Variants in PPP1R12B observed in about 807,000 individuals in gnomAD.
PPP1R12B encodes myosin phosphatase target subunit 2.
PPP1R12B carries 76 observed loss-of-function variants against 126.1 expected under a neutral mutation model. That is an observed-to-expected ratio of 0.60 (90% CI 0.50 to 0.73). The LOEUF is 0.73. PPP1R12B is among the 30% of genes least tolerant of loss of function. PPP1R12B has a pLI of 0.00. For synonymous variants in PPP1R12B, 356 were observed against 434.7 expected (o/e 0.82, Z 2.25); for missense variants, 1,052 against 1,205.1 (o/e 0.87, Z 1.88).
rs1400169382 is a variant in PPP1R12B, at chr1:202,396,134, T to C, written c.292-20653T>C. On this transcript the variant is annotated intron_variant, in intron 1 of 23. Coordinates refer to ENST00000608999, the MANE Select transcript of PPP1R12B (RefSeq NM_002481.4). ...ACCACTCTGATCTGGCTTTTGTGTTTATCACTGCACCAAAAAAACCCTTTT... is the reference window on the plus strand; with the variant it reads ...ACCACTCTGATCTGGCTTTTGTGTTCATCACTGCACCAAAAAAACCCTTTT... Among the ~76,000 whole-genome samples, 4 of 152,200 alleles carry C rather than the reference T, an allele frequency of 2.6e-5. No individual in the cohort carries two copies. The East Asian group carries it at 7.7e-4, about 29-fold the overall frequency.
rs1460493182 is a variant in PPP1R12B at position 202,586,237 on chromosome 1, C to T, written c.*5677C>T. 6.6e-6 allele frequency: 1 copy of T among 152,322 alleles called. No homozygotes were observed. 9.4% of individuals were successfully genotyped at this position (152,322 alleles called of 1,614,324 possible). The stretch of plus-strand genomic sequence containing the variant: ...TAGAACAGCACTTGGCTTTCACAAG[C>T]CTCCTACAGGACCTGGTGTAATTGG... On this transcript the variant is annotated 3_prime_UTR_variant, in exon 24 of 24. Transcript: ENST00000608999.
At chr1:202,503,941 G>C (rs1680524142) in intron 18 of PPP1R12B, among the ~76,000 whole-genome samples, 1 of 152,076 alleles carries the variant, frequency 6.6e-6, no homozygotes, top group African/African-American at 2.4e-5. Context: ...AGAGGCCTTT[G>C]AAGTCCAGGG....
chr1:202,410,204 G>A (rs914305856), intron 1 of PPP1R12B: 3 of 152,214 alleles, frequency 2.0e-5, no homozygotes, highest in African/African-American at 4.8e-5. Context: ...TACTGCTGAA[G>A]TAAGCATTGA....
chr1:202,414,765 A>C (rs879779099), intron 1 of PPP1R12B, among the ~76,000 whole-genome samples: 48 of 152,136 alleles, frequency 3.2e-4, no homozygotes, highest in Non-Finnish European at 5.1e-4. Context: ...AAGCAGATGC[A>C]CAAGTGGTGT....
At chr1:202,535,825 G>A (rs1253460769) in intron 18 of PPP1R12B, among the ~76,000 whole-genome samples, 1 of 152,086 alleles carries the variant, frequency 6.6e-6, no homozygotes. Context: ...AGTCAGAAAG[G>A]AACAATAAAT....
chr1:202,564,490 T>A lies in PPP1R12B; in HGVS notation c.2700T>A (p.Leu900=). Residue 900 remains leucine (L), a synonymous_variant, in exon 21 of 24, where the codon CTT becomes CTA. Coordinates refer to ENST00000608999, the MANE Select transcript of PPP1R12B (RefSeq NM_002481.4). ...AAAACCAAAAACTGAAAACAAAACT[T>A]CAGGAAGCCCAGCTAGAGCTAGCAG... The part of the protein sequence containing the change: ...LTENQKLKTK[L]QEAQLELADI... 6.2e-7 allele frequency: 1 copy of A among 1,612,692 alleles called. No homozygotes were observed.
chr1:202,584,485 T>A lies in PPP1R12B; in HGVS notation c.*3925T>A, dbSNP rs544165128. On this transcript the variant is annotated 3_prime_UTR_variant, in exon 24 of 24. Coordinates refer to ENST00000608999, the MANE Select transcript of PPP1R12B (RefSeq NM_002481.4). ...CTGTTTCTCCACTAGAGGCATTTAA[T>A]TGAGCCAAAGATGATGGAAGAAGAA... 1.3e-5 allele frequency: 2 copies of A among 152,384 alleles called. No individual in the cohort carries two copies. Among genetic ancestry groups the A allele is most frequent in the South Asian group, 4.1e-4 (2 of 4,834 alleles). The allele number at this position is 152,384 out of a possible 1,614,324, so 9.4% of individuals were successfully genotyped here.
At chr1:202,367,785 A>G (rs1031829426) in intron 1 of PPP1R12B, among the ~76,000 whole-genome samples, 2 of 152,116 alleles carry the variant, frequency 1.3e-5, no homozygotes, top group African/African-American at 4.8e-5. Flanking sequence ...GGTTTTGACA[A>G]CGTATACAAC....
chr1:202,522,915 G>A (rs980293725), intron 18 of PPP1R12B, among the ~76,000 whole-genome samples: 14 of 152,084 alleles, frequency 9.2e-5, no homozygotes, highest in African/African-American at 2.4e-4. Flanking sequence ...AAACAAAACC[G>A]ACAGAATTAT....
At chr1:202,576,014 A>G (rs1049881038) in intron 23 of PPP1R12B, 2 of 152,208 alleles carry the variant, frequency 1.3e-5, no homozygotes, top group African/African-American at 4.8e-5. Flanking sequence ...CTCCCACCTT[A>G]GGAGGCATAT....
intron 13 of PPP1R12B, among the ~76,000 whole-genome samples, chr1:202,463,250 G>C (rs1458432687): frequency 2.0e-5 from 3 of 152,194 alleles, no homozygotes; most frequent in Non-Finnish European, 4.4e-5. Flanking sequence ...AACTTCTCTA[G>C]TGTTTCTTCA....
chr1:202,377,447 C>T (rs1424182246), intron 1 of PPP1R12B, among the ~76,000 whole-genome samples: 2 of 151,790 alleles, frequency 1.3e-5, no homozygotes, highest in East Asian at 2.0e-4. Context: ...GGACTACAAG[C>T]GCCCGCCACC....
chr1:202,564,520 A>G lies in PPP1R12B; in HGVS notation c.2730A>G (p.Ile910Met), dbSNP rs1026770965. Residue 910 changes from isoleucine (I) to methionine (M), a missense_variant, in exon 21 of 24, where the codon ATA (isoleucine) becomes ATG (methionine). Physicochemically the swap from Ile to Met is conservative, Grantham distance 10 (BLOSUM62 1). Transcript: ENST00000608999. ...AAGCCCAGCTAGAGCTAGCAGATAT[A>G]AAGTCCAAGCTTGAGAAGGTGGCCC... The part of the protein sequence containing the change: ...LQEAQLELAD[I>M]KSKLEKVAQQ... The G allele has an allele frequency of 3.1e-6, 5 of 1,612,360 alleles. No homozygotes were observed. Among genetic ancestry groups the G allele is most frequent in the Admixed American group, 1.7e-5 (1 of 60,010 alleles).
chr1:202,523,818 G>A (rs1336096789), intron 18 of PPP1R12B, among the ~76,000 whole-genome samples: 5 of 152,098 alleles, frequency 3.3e-5, no homozygotes, highest in African/African-American at 9.7e-5. Context: ...AGGTTCAAGC[G>A]ATTCTCCTGC....
chr1:202,442,220 G>A (rs1671714136), intron 11 of PPP1R12B, among the ~76,000 whole-genome samples: 1 of 152,184 alleles, frequency 6.6e-6, no homozygotes, highest in East Asian at 1.9e-4. Flanking sequence ...TTGACATGAG[G>A]AATTTGGTAC....
At chr1:202,520,090 T>A (rs6695144) in intron 18 of PPP1R12B, among the ~76,000 whole-genome samples, 66,011 of 151,976 alleles carry the variant, frequency 0.43, 15,685 homozygotes, top group East Asian at 0.71. Flanking sequence ...GCAGATTATT[T>A]CTGAGCAAGC....
intron 18 of PPP1R12B, among the ~76,000 whole-genome samples, chr1:202,542,047 A>G (rs1685181815): frequency 6.6e-6 from 1 of 151,930 alleles, no homozygotes; most frequent in Non-Finnish European, 1.5e-5. Context: ...TTCATATACC[A>G]CTCATGTTCC....
Position 202,564,427 on chromosome 1 carries a change from T to C in PPP1R12B, c.2653-16T>C. The C allele has an allele frequency of 1.9e-6, 3 of 1,584,922 alleles. No individual in the cohort carries two copies. The South Asian group carries it at 3.3e-5, about 18-fold the overall frequency. On this transcript the variant is annotated splice_polypyrimidine_tract_variant and intron_variant, in intron 20 of 23. Coordinates refer to ENST00000608999, the MANE Select transcript of PPP1R12B (RefSeq NM_002481.4). ...TCTAACGCGAACGCTGATCCTCTTTTTTCCCTCTCCTCTAGCTCTATGAGA... is the reference window on the plus strand; with the variant it reads ...TCTAACGCGAACGCTGATCCTCTTTCTTCCCTCTCCTCTAGCTCTATGAGA...
At chr1:202,365,224 A>C (rs1358381537) in intron 1 of PPP1R12B, among the ~76,000 whole-genome samples, 1 of 151,940 alleles carries the variant, frequency 6.6e-6, no homozygotes, top group Non-Finnish European at 1.5e-5. Flanking sequence ...CCAAGGCGAG[A>C]GGATCACTTG....
Sources: gnomAD v4.1 joint callset for allele counts (sites outside exome capture counted in the v4.1 genomes callset) on GRCh38, gnomAD v4.1.1 for gene constraint, MANE v1.5 for transcripts, NCBI Gene and HGNC (gene_info 2026-07-23, HGNC 2026-07-21) for gene names.